The following SLC38A9 variants were observed in gnomAD, a reference collection of about 807,000 sequenced individuals.
SLC38A9 encodes the protein solute carrier family 38 member 9, also known as neutral amino acid transporter 9.
In SLC38A9, 48 loss-of-function variants were observed where a neutral mutation model predicts 62.3. The observed-to-expected ratio is 0.77, with a 90% CI of 0.61 to 0.98. The LOEUF (loss-of-function observed/expected upper bound fraction) is 0.98. Ranked by LOEUF, SLC38A9 falls within the 50% of genes least tolerant of loss-of-function variation. The pLI is 0.00. For synonymous variants in SLC38A9, 204 were observed against 227.7 expected, an observed-to-expected ratio of 0.90 and a Z score of 0.94; for missense variants, 541 against 679.8, an observed-to-expected ratio of 0.80 and a Z score of 2.27.
chr5:55,651,653 A>C (rs866800604), intron 10 of SLC38A9, among the ~76,000 whole-genome samples: 1 of 151,998 alleles, frequency 6.6e-6, no homozygotes, highest in South Asian at 2.1e-4. Flanking sequence ...GCGTTCTAAG[A>C]AAAAAAAGCA....
In SLC38A9 at chr5:55,697,977, A is replaced by G. The variant is rs1450152036; in HGVS notation, c.-19T>C. On this transcript the variant is annotated 5_prime_UTR_variant, in exon 3 of 16. Coordinates refer to ENST00000396865, the MANE Select transcript of SLC38A9 (RefSeq NM_173514.4). ...TTGCCATTTTTCTCACACTCTAAGC[A>G]CTGAAGAAGTTAGTCCTACACAAAG... 6 of 1,322,314 alleles carry G rather than the reference A, an allele frequency of 4.5e-6. No homozygotes were observed. Among genetic ancestry groups the G allele is most frequent in the Non-Finnish European group, 6.4e-6 (6 of 932,052 alleles). The allele number at this position is 1,322,314 out of a possible 1,614,324, so 81.9% of individuals were successfully genotyped here. A position where few individuals can be genotyped will look rare whatever the true frequency, so the allele number is the denominator to read the frequency against.
At chr5:55,669,463 A>G in intron 6 of SLC38A9, 94 bp downstream of exon 6, 1 of 1,363,056 alleles carries the variant, frequency 7.3e-7, no homozygotes. Context: ...TCTTTAATGA[A>G]TTTTATGTAG....
intron 9 of SLC38A9, among the ~76,000 whole-genome samples, chr5:55,656,210 A>G (rs1236829944): frequency 1.3e-5 from 2 of 151,468 alleles, no homozygotes; most frequent in Non-Finnish European, 2.9e-5. Flanking sequence ...GCTTGGTTGT[A>G]TTAATAAATA....
At chr5:55,630,280 A>C (rs1743198537) in intron 14 of SLC38A9, among the ~76,000 whole-genome samples, 1 of 152,108 alleles carries the variant, frequency 6.6e-6, no homozygotes. Context: ...CAAACATCAG[A>C]GTTTTGCAAA....
chr5:55,676,411 C>A (rs1033749964), intron 3 of SLC38A9, among the ~76,000 whole-genome samples: 4 of 152,168 alleles, frequency 2.6e-5, no homozygotes, highest in African/African-American at 9.7e-5. Context: ...ACTTCTGGCA[C>A]AAGCAATCCT....
chr5:55,632,102 AT>A (rs1252499803), intron 14 of SLC38A9, among the ~76,000 whole-genome samples: 1 of 152,248 alleles, frequency 6.6e-6, no homozygotes, highest in Non-Finnish European at 1.5e-5. Flanking sequence ...TTAATTATAT[AT>A]CTGACCTTCA....
In SLC38A9 at chr5:55,700,069, G is replaced by C. The variant is rs536265272; in HGVS notation, c.-34-2077C>G. On this transcript the variant is annotated intron_variant, in intron 2 of 15. Coordinates refer to ENST00000396865, the MANE Select transcript of SLC38A9 (RefSeq NM_173514.4). Reference sequence around the variant, plus strand: ...AAAAAAATAATTACAGCTGGGCACAGTGGCTCACATCTGTAATCCCAACAC... The same window carrying C: ...AAAAAAATAATTACAGCTGGGCACACTGGCTCACATCTGTAATCCCAACAC... Among the ~76,000 whole-genome samples, 3 of 149,416 alleles carry C rather than the reference G, an allele frequency of 2.0e-5. No homozygotes were observed. In the South Asian group the frequency reaches 6.6e-4, roughly 33 times the overall value.
intron 2 of SLC38A9, among the ~76,000 whole-genome samples, chr5:55,705,321 G>A (rs1488270919): frequency 2.6e-5 from 4 of 151,988 alleles, no homozygotes; most frequent in Non-Finnish European, 5.9e-5. Flanking sequence ...AGAAGATAGT[G>A]GGAGATGGAA....
At chr5:55,627,249 T>A (rs1325841064) in intron 15 of SLC38A9, among the ~76,000 whole-genome samples, 10 of 152,154 alleles carry the variant, frequency 6.6e-5, no homozygotes, top group Non-Finnish European at 4.4e-5. Context: ...CCCCTTCTTG[T>A]TCCTTGTTAC....
At chr5:55,649,380 A>C in intron 10 of SLC38A9, 66 bp from the exon 11 acceptor site, 1 of 1,026,714 alleles carries the variant, frequency 9.7e-7, no homozygotes. Flanking sequence ...TTTAAAATCA[A>C]GCATTGTTTC....
At chr5:55,685,131 T>C (rs1350332359) in intron 3 of SLC38A9, among the ~76,000 whole-genome samples, 1 of 152,224 alleles carries the variant, frequency 6.6e-6, no homozygotes, top group African/African-American at 2.4e-5. Context: ...TTGTCAGCTT[T>C]TCTAGTTATT....
intron 8 of SLC38A9, among the ~76,000 whole-genome samples, chr5:55,661,493 T>C (rs1749565809): frequency 1.4e-5 from 2 of 143,170 alleles, no homozygotes; most frequent in African/African-American, 2.6e-5. Flanking sequence ...ATCTAAATGA[T>C]ATCAATTCTC....
intron 2 of SLC38A9, among the ~76,000 whole-genome samples, chr5:55,710,790 A>T (rs917101190): frequency 6.7e-6 from 1 of 148,878 alleles, no homozygotes; most frequent in South Asian, 2.1e-4. Context: ...TAATTTTGGT[A>T]TTTTTTTTTA....
At chr5:55,694,737 T>TTCTCCTCTCC (rs955898263) in intron 3 of SLC38A9, among the ~76,000 whole-genome samples, 2 of 78,860 alleles carry the variant, frequency 2.5e-5, no homozygotes, top group Admixed American at 1.7e-4. Flanking sequence ...CTCCCCACCC[T>TTCTCCTCTCC]TCTCCTCTCC....
At chr5:55,644,193 T>G (rs1208062170) in intron 12 of SLC38A9, among the ~76,000 whole-genome samples, 1 of 152,142 alleles carries the variant, frequency 6.6e-6, no homozygotes, top group Non-Finnish European at 1.5e-5. Context: ...ACACCTGGCC[T>G]CAAGTTATCC....
At chr5:55,686,454 C>A (rs1337458527) in intron 3 of SLC38A9, among the ~76,000 whole-genome samples, 1 of 151,962 alleles carries the variant, frequency 6.6e-6, no homozygotes, top group Admixed American at 6.6e-5. Flanking sequence ...TTTCTTTGCC[C>A]ACTTTTTAAT....
chr5:55,634,598 C>T lies in SLC38A9; in HGVS notation c.1282-696G>A, dbSNP rs920217130. 5 of 152,174 alleles carry T rather than the reference C, an allele frequency of 3.3e-5. No individual in the cohort carries two copies. The East Asian group carries it at 9.6e-4, about 29-fold the overall frequency. 9.4% of individuals were successfully genotyped at this position (152,174 alleles called of 1,614,324 possible). A position where few individuals can be genotyped will look rare whatever the true frequency, so the allele number is the denominator to read the frequency against. ...GAGTTTGTTCATATCAGGGAAATTG[C>T]CAGCAAACATTTGGCTGCCAAAGAA... is the stretch of plus-strand genomic sequence containing the variant. On this transcript the variant is annotated intron_variant, in intron 13 of 15. Transcript: ENST00000396865.
chr5:55,685,687 CAT>C (rs539884161), intron 3 of SLC38A9, among the ~76,000 whole-genome samples: 30 of 152,142 alleles, frequency 2.0e-4, no homozygotes, highest in South Asian at 8.3e-4. Context: ...CATAGGCAAA[CAT>C]GTGTGATGGG....
At chr5:55,669,179 AAATGC>A in intron 7 of SLC38A9, 44 bp downstream of exon 7, 1 of 1,389,922 alleles carries the variant, frequency 7.2e-7, no homozygotes, top group Non-Finnish European at 1.0e-6. Context: ...CCTCAAAGGG[AAATGC>A]TTATTAATAC....
Sources: gnomAD v4.1 joint callset for allele counts (sites outside exome capture counted in the v4.1 genomes callset) on GRCh38, gnomAD v4.1.1 for gene constraint, MANE v1.5 for transcripts, NCBI Gene and HGNC (gene_info 2026-07-23, HGNC 2026-07-21) for gene names.